Variants in PCDH9 observed in about 807,000 individuals in gnomAD.
The protein encoded by PCDH9 is protocadherin-9.
A neutral mutation model predicts 70.6 loss-of-function variants in PCDH9; 24 were observed. That is an observed-to-expected ratio of 0.34 (90% CI 0.25 to 0.48). The LOEUF (loss-of-function observed/expected upper bound fraction) is 0.48. Among genes scored for constraint, PCDH9 ranks in the 20% least tolerant of loss-of-function variants. PCDH9 has a pLI of 0.99. For synonymous variants in PCDH9, 562 were observed against 558.5 expected (o/e 1.01, Z -0.09); for missense variants, 1,281 against 1,503.6 (o/e 0.85, Z 2.45).
At chr13:67,082,323 A>G (rs2086002161) in intron 2 of PCDH9, among the ~76,000 whole-genome samples, 1 of 152,274 alleles carries the variant, frequency 6.6e-6, no homozygotes, top group Non-Finnish European at 1.5e-5. Flanking sequence ...GATTCCACAT[A>G]TGAATGAAAG....
chr13:67,066,056 C>A (rs565928052), intron 2 of PCDH9, among the ~76,000 whole-genome samples: 6 of 152,224 alleles, frequency 3.9e-5, no homozygotes, highest in African/African-American at 1.4e-4. Flanking sequence ...CTTCACTAAA[C>A]ACCCCTACCT....
chr13:66,685,241 C>T (rs911026471), intron 3 of PCDH9, among the ~76,000 whole-genome samples: 4 of 152,278 alleles, frequency 2.6e-5, no homozygotes, highest in South Asian at 2.1e-4. Flanking sequence ...CTGCTTTTTG[C>T]AGTCTTGAGA....
intron 4 of PCDH9, among the ~76,000 whole-genome samples, chr13:66,380,476 A>G (rs1212348253): frequency 1.3e-5 from 2 of 151,568 alleles, no homozygotes; most frequent in Non-Finnish European, 2.9e-5. Flanking sequence ...TGACATTGTA[A>G]TGAGTATAGT....
chr13:66,860,853 C>G (rs977017611), intron 3 of PCDH9, among the ~76,000 whole-genome samples: 3 of 152,226 alleles, frequency 2.0e-5, no homozygotes, highest in African/African-American at 7.2e-5. Context: ...AAGGTCATTT[C>G]TTTACACCTC....
At chr13:66,567,101 C>A (rs1279840080) in intron 4 of PCDH9, among the ~76,000 whole-genome samples, 1 of 151,948 alleles carries the variant, frequency 6.6e-6, no homozygotes, top group Non-Finnish European at 1.5e-5. Flanking sequence ...AGAACTTTAG[C>A]CAGTCCTAAA....
intron 4 of PCDH9, among the ~76,000 whole-genome samples, chr13:66,317,621 A>G (rs1272761135): frequency 6.6e-6 from 1 of 152,234 alleles, no homozygotes; most frequent in Non-Finnish European, 1.5e-5. Flanking sequence ...TACAGCCTAA[A>G]GATGCTAAAA....
intron 2 of PCDH9, among the ~76,000 whole-genome samples, chr13:67,136,564 T>C (rs923593016): frequency 1.4e-4 from 22 of 152,258 alleles, no homozygotes; most frequent in African/African-American, 5.3e-4. Context: ...GAATTCAATA[T>C]GCTGTATTAA....
intron 2 of PCDH9, among the ~76,000 whole-genome samples, chr13:66,944,817 CTG>C (rs67182136): frequency 0.019 from 2,627 of 135,402 alleles, 37 homozygotes; most frequent in African/African-American, 0.027. Flanking sequence ...CTAATCGTCT[CTG>C]TGTGTGTGTG....
chr13:66,622,287 T>C (rs1034804775), intron 4 of PCDH9, among the ~76,000 whole-genome samples: 5 of 152,130 alleles, frequency 3.3e-5, no homozygotes, highest in African/African-American at 4.8e-5. Flanking sequence ...AGCCCCCTGC[T>C]CCACGGCGCC....
chr13:66,868,084 A>C (rs2081607715), intron 3 of PCDH9, among the ~76,000 whole-genome samples: 1 of 152,052 alleles, frequency 6.6e-6, no homozygotes, highest in African/African-American at 2.4e-5. Flanking sequence ...TTACTGTCAT[A>C]ATATAAATGA....
chr13:66,607,414 T>C (rs1441961152), intron 4 of PCDH9, among the ~76,000 whole-genome samples: 1 of 152,246 alleles, frequency 6.6e-6, no homozygotes, highest in Non-Finnish European at 1.5e-5. Context: ...TAGTGACTTC[T>C]ACTTTTCTAT....
At chr13:67,057,184 T>C (rs941642479) in intron 2 of PCDH9, among the ~76,000 whole-genome samples, 4 of 152,154 alleles carry the variant, frequency 2.6e-5, no homozygotes, top group African/African-American at 9.7e-5. Context: ...ATTAACAAAG[T>C]TACCCTATGA....
chr13:66,327,602 A>G (rs1955870501), intron 4 of PCDH9, among the ~76,000 whole-genome samples: 1 of 152,162 alleles, frequency 6.6e-6, no homozygotes, highest in South Asian at 2.1e-4. Context: ...TGTGGGTTAG[A>G]GCTCTAGACT....
At chr13:66,937,074 AT>A (rs1250144500) in intron 2 of PCDH9, among the ~76,000 whole-genome samples, 1 of 152,172 alleles carries the variant, frequency 6.6e-6, no homozygotes, top group African/African-American at 2.4e-5. Flanking sequence ...TCTCAATATA[AT>A]TTTCCAGTTT....
rs531828359 is a variant in PCDH9, at chr13:66,839,601, C to G, written c.3138+63903G>C. ...TTTAACAAGCTTTATCTTCATCTCC[C>G]TGTCTCCACTTCTGCATTTTCAGAT... On this transcript the variant is annotated intron_variant, in intron 3 of 4. Transcript: ENST00000377865. 7.0e-4 allele frequency among the ~76,000 whole-genome samples: 106 copies of G among 152,284 alleles called. 1 individual carries two copies. The highest frequency in any genetic ancestry group is 6.9e-3 in the Admixed American group (106 of 15,298).
intron 2 of PCDH9, among the ~76,000 whole-genome samples, chr13:67,053,270 T>C (rs1037904583): frequency 1.3e-5 from 2 of 152,198 alleles, no homozygotes; most frequent in African/African-American, 2.4e-5. Flanking sequence ...GCCACACATA[T>C]GTTTAGAACT....
intron 3 of PCDH9, among the ~76,000 whole-genome samples, chr13:66,774,101 C>A (rs762644247): frequency 6.6e-6 from 1 of 152,130 alleles, no homozygotes; most frequent in Admixed American, 6.5e-5. Context: ...TTTACACTAA[C>A]ATTTGCATTG....
chr13:66,478,933 T>C (rs1370170154), intron 4 of PCDH9, among the ~76,000 whole-genome samples: 2 of 152,176 alleles, frequency 1.3e-5, no homozygotes, highest in African/African-American at 2.4e-5. Context: ...GATGATGAAA[T>C]CTAGAACTTG....
intron 4 of PCDH9, among the ~76,000 whole-genome samples, chr13:66,521,121 C>T (rs1398119541): frequency 6.6e-6 from 1 of 152,100 alleles, no homozygotes; most frequent in Non-Finnish European, 1.5e-5. Context: ...CATACCTATT[C>T]CAAAGATTAA....
Sources: allele counts gnomAD v4.1 joint callset (sites outside exome capture counted in the v4.1 genomes callset), GRCh38; gene constraint gnomAD v4.1.1; transcripts MANE v1.5; gene names NCBI Gene and HGNC (gene_info 2026-07-23, HGNC 2026-07-21).